Variants in EPB41L5 observed in about 807,000 individuals in gnomAD.
EPB41L5 encodes the protein erythrocyte membrane protein band 4.1 like 5, also known as band 4.1-like protein 5.
In EPB41L5, 55 loss-of-function variants were observed where a neutral mutation model predicts 106.6. The observed-to-expected ratio is 0.52, with a 90% CI of 0.42 to 0.65. The LOEUF is 0.65. EPB41L5 is among the 30% of genes least tolerant of loss of function. The probability of loss-of-function intolerance (pLI) is 0.00; values close to 1 mark genes in which losing one functional copy is unlikely to be tolerated. For missense variants in EPB41L5, 871 were observed against 882.1 expected (o/e 0.99, Z 0.16); for synonymous variants, 297 against 306.7 (o/e 0.97, Z 0.33).
chr2:120,030,941 A>T (rs1298640540), intron 2 of EPB41L5, among the ~76,000 whole-genome samples: 1 of 151,282 alleles, frequency 6.6e-6, no homozygotes, highest in Non-Finnish European at 1.5e-5. Flanking sequence ...CAGTGGTGTG[A>T]TCTTGGCTCA....
intron 2 of EPB41L5, among the ~76,000 whole-genome samples, chr2:120,037,912 A>G (rs2105194944): frequency 6.6e-6 from 1 of 152,334 alleles, no homozygotes; most frequent in East Asian, 1.9e-4. Context: ...GCTCAAAGAC[A>G]TAGAGACCTA....
In EPB41L5 at chr2:120,049,878, C is replaced by G. The variant is rs182732074; in HGVS notation, c.285+7768C>G. ...TGCCTCGTGGTGACAAAATCTCTCA[C>G]CATTTGCTTGTCTGTAAAGGATTTT... On this transcript the variant is annotated intron_variant, in intron 3 of 24. Transcript: ENST00000263713. Among the ~76,000 whole-genome samples the G allele has an allele frequency of 4.6e-5, 7 of 152,186 alleles. No homozygotes were observed. In the East Asian group the frequency reaches 7.7e-4, roughly 17 times the overall value.
rs539813602 is a variant in EPB41L5, at chr2:120,069,128, C to CAAAAA, written c.286-4015_286-4011dup. Among the ~76,000 whole-genome samples the CAAAAA allele has an allele frequency of 1.8e-3, 142 of 79,528 alleles. 2 individuals carry two copies. Among genetic ancestry groups the CAAAAA allele is most frequent in the Non-Finnish European group, 2.3e-3 (99 of 43,790 alleles). 52.2% of individuals were successfully genotyped at this position (79,528 alleles called of 152,430 possible). ...GGGCAACAAGAGTGAAACTCTGTCT[C>CAAAAA]AAAAAAAAAAAAAAAAAAAAAAAAA... On this transcript the variant is annotated intron_variant, in intron 3 of 24. Coordinates refer to ENST00000263713, the MANE Select transcript of EPB41L5 (RefSeq NM_020909.4).
chr2:120,136,669 T>C (rs941813172), intron 18 of EPB41L5, among the ~76,000 whole-genome samples: 1 of 152,066 alleles, frequency 6.6e-6, no homozygotes. Flanking sequence ...CATTATATAT[T>C]GATAAATGGT....
At chr2:120,161,903 C>T (rs1483031726) in intron 21 of EPB41L5, among the ~76,000 whole-genome samples, 2 of 152,098 alleles carry the variant, frequency 1.3e-5, no homozygotes, top group Admixed American at 6.5e-5. Context: ...AAAACCATAC[C>T]CCACCCCCAA....
chr2:120,026,611 C>T (rs368881740), intron 2 of EPB41L5, among the ~76,000 whole-genome samples: 42 of 152,258 alleles, frequency 2.8e-4, no homozygotes, highest in African/African-American at 7.9e-4. Context: ...TCAATTGTTC[C>T]GCCTGCCTTG....
chr2:120,069,982 A>G (rs1270489740), intron 3 of EPB41L5, among the ~76,000 whole-genome samples: 2 of 152,212 alleles, frequency 1.3e-5, no homozygotes, highest in African/African-American at 4.8e-5. Flanking sequence ...TGAAGGAGAT[A>G]GAAACATGAA....
chr2:120,125,135 T>C (rs1299905566), intron 16 of EPB41L5, among the ~76,000 whole-genome samples: 3 of 152,274 alleles, frequency 2.0e-5, no homozygotes, highest in Admixed American at 6.5e-5. Context: ...GGTTTTCTTA[T>C]GTAAAGAACA....
At chr2:120,024,532 C>G (rs1048119216) in intron 2 of EPB41L5, among the ~76,000 whole-genome samples, 2 of 152,112 alleles carry the variant, frequency 1.3e-5, no homozygotes, top group African/African-American at 4.8e-5. Flanking sequence ...TCTCAGCTCA[C>G]TGCAAGCTCT....
intron 3 of EPB41L5, among the ~76,000 whole-genome samples, chr2:120,042,490 A>G (rs747709043): frequency 1.3e-5 from 2 of 152,142 alleles, no homozygotes; most frequent in Non-Finnish European, 2.9e-5. Flanking sequence ...TTAATTTGCA[A>G]ATGAAGTTGA....
intron 2 of EPB41L5, among the ~76,000 whole-genome samples, chr2:120,026,533 A>T (rs569373590): frequency 6.6e-6 from 1 of 152,092 alleles, no homozygotes; most frequent in East Asian, 1.9e-4. Context: ...ACACCTGGCT[A>T]ATTTTTTGTA....
At chr2:120,106,887 T>C (rs866018609) in intron 16 of EPB41L5, 29 of 979,512 alleles carry the variant, frequency 3.0e-5, no homozygotes, top group Middle Eastern at 1.0e-3. Context: ...TAAATGAATT[T>C]ACAGAGAAAA....
chr2:120,064,414 A>G lies in EPB41L5; in HGVS notation c.286-8764A>G, dbSNP rs76680540. 3.5e-3 allele frequency among the ~76,000 whole-genome samples: 533 copies of G among 152,272 alleles called. 3 individuals carry two copies. The highest frequency in any genetic ancestry group is 0.013 in the African/African-American group (520 of 41,556). Reference sequence around the variant, plus strand: ...AGTGATTAGAAGGCAGGAGTCATTGATTTGAAGAGCTGTTAACAGACCATA... The same window carrying G: ...AGTGATTAGAAGGCAGGAGTCATTGGTTTGAAGAGCTGTTAACAGACCATA... On this transcript the variant is annotated intron_variant, in intron 3 of 24. Coordinates refer to ENST00000263713, the MANE Select transcript of EPB41L5 (RefSeq NM_020909.4).
chr2:120,147,451 C>A (rs866790950), intron 20 of EPB41L5, among the ~76,000 whole-genome samples: 3 of 151,682 alleles, frequency 2.0e-5, no homozygotes, highest in South Asian at 4.2e-4. Context: ...CATGGTGAAA[C>A]CCGTCTCTAC....
intron 16 of EPB41L5, among the ~76,000 whole-genome samples, chr2:120,125,396 A>T (rs535549953): frequency 6.6e-6 from 1 of 152,108 alleles, no homozygotes; most frequent in African/African-American, 2.4e-5. Context: ...TGGACCTCTC[A>T]TTGCTAAGGG....
chr2:120,106,768 G>A, intron 16 of EPB41L5: 2 of 985,344 alleles, frequency 2.0e-6, no homozygotes, highest in Non-Finnish European at 2.4e-6. Flanking sequence ...ACATAAATGA[G>A]CTCATAAGAT....
chr2:120,146,439 C>T, intron 20 of EPB41L5, 150 bp downstream of exon 20: 2 of 536,246 alleles, frequency 3.7e-6, no homozygotes, highest in Non-Finnish European at 6.8e-6. Context: ...CCACTTAGTA[C>T]CTAGTTTTAT....
intron 16 of EPB41L5, among the ~76,000 whole-genome samples, chr2:120,110,060 C>T (rs1244443995): frequency 3.9e-5 from 6 of 152,166 alleles, no homozygotes; most frequent in African/African-American, 1.2e-4. Flanking sequence ...TGTTTTAATC[C>T]ATATAAAGGC....
At chr2:120,081,159 T>A (rs1043180190) in intron 10 of EPB41L5, among the ~76,000 whole-genome samples, 1 of 152,194 alleles carries the variant, frequency 6.6e-6, no homozygotes, top group Non-Finnish European at 1.5e-5. Flanking sequence ...TTGCTTTTGG[T>A]GTTTTAGACA....
Sources: allele counts gnomAD v4.1 joint callset (sites outside exome capture counted in the v4.1 genomes callset), GRCh38; gene constraint gnomAD v4.1.1; transcripts MANE v1.5; gene names NCBI Gene and HGNC (gene_info 2026-07-23, HGNC 2026-07-21).